ME3: variants seen among roughly 807,000 people sequenced by gnomAD.
ME3 encodes the protein malic enzyme 3, also known as NADP-dependent malic enzyme, mitochondrial.
Under a neutral mutation model 68.9 loss-of-function variants are expected in ME3, and 48 were observed. The ratio of observed to expected loss-of-function variants is 0.70; its 90% CI spans 0.55 to 0.89. The LOEUF is 0.89. Ranked by LOEUF, ME3 falls within the 40% of genes least tolerant of loss-of-function variation. The pLI is 0.00. For missense variants in ME3, 675 were observed against 797.4 expected (o/e 0.85, Z 1.85); for synonymous variants, 320 against 318.8 (o/e 1.00, Z -0.04).
chr11:86,624,064 C>T (rs976042911), intron 2 of ME3, among the ~76,000 whole-genome samples: 5 of 152,114 alleles, frequency 3.3e-5, no homozygotes, highest in African/African-American at 1.2e-4. Context: ...TTTTTGAGAC[C>T]AGGATTTTAT....
At chr11:86,539,726 A>G (rs1460534638) in intron 4 of ME3, among the ~76,000 whole-genome samples, 1 of 152,172 alleles carries the variant, frequency 6.6e-6, no homozygotes, top group Non-Finnish European at 1.5e-5. Context: ...AAGCTGCAGA[A>G]GTCCATTTTC....
intron 2 of ME3, among the ~76,000 whole-genome samples, chr11:86,599,113 C>T (rs917700008): frequency 2.5e-4 from 38 of 152,308 alleles, no homozygotes; most frequent in African/African-American, 8.7e-4. Flanking sequence ...ATGACTTTGA[C>T]GAGTTGAGAG....
intron 2 of ME3, among the ~76,000 whole-genome samples, chr11:86,628,240 G>A (rs1288217093): frequency 1.3e-5 from 2 of 152,204 alleles, no homozygotes; most frequent in Admixed American, 6.5e-5. Context: ...AGTGTGGTGT[G>A]TGGCTGCCAG....
At chr11:86,519,710 G>A (rs1246524894) in intron 4 of ME3, among the ~76,000 whole-genome samples, 1 of 152,206 alleles carries the variant, frequency 6.6e-6, no homozygotes, top group Non-Finnish European at 1.5e-5. Flanking sequence ...TATTTTTAGA[G>A]CTCAGTAGCA....
intron 7 of ME3, among the ~76,000 whole-genome samples, chr11:86,465,483 G>A (rs971849536): frequency 6.6e-6 from 1 of 152,104 alleles, no homozygotes; most frequent in Non-Finnish European, 1.5e-5. Context: ...GGCTCCCATG[G>A]CTGCCATGGC....
intron 2 of ME3, among the ~76,000 whole-genome samples, chr11:86,600,189 T>G (rs568503907): frequency 6.2e-4 from 95 of 152,156 alleles, no homozygotes; most frequent in African/African-American, 2.2e-3. Context: ...CCCATCAGTG[T>G]GCTGTATTCA....
intron 2 of ME3, among the ~76,000 whole-genome samples, chr11:86,606,512 T>G (rs1961673526): frequency 6.6e-6 from 1 of 152,200 alleles, no homozygotes; most frequent in Admixed American, 6.5e-5. Context: ...TTCAGGGCCC[T>G]TTTAGTGCTC....
intron 2 of ME3, among the ~76,000 whole-genome samples, chr11:86,671,554 T>A (rs1035101216): frequency 7.9e-5 from 12 of 152,232 alleles, no homozygotes; most frequent in African/African-American, 2.4e-4. Flanking sequence ...TTAGGCTCCC[T>A]GCATTACTGG....
chr11:86,461,689 A>T (rs986913513), intron 8 of ME3, among the ~76,000 whole-genome samples: 1 of 152,074 alleles, frequency 6.6e-6, no homozygotes, highest in African/African-American at 2.4e-5. Context: ...GCTCTGCATG[A>T]TGTGCTGACA....
At chr11:86,446,233 G>C in intron 13 of ME3, 81 bp downstream of exon 13, 1 of 1,501,170 alleles carries the variant, frequency 6.7e-7, no homozygotes, top group Non-Finnish European at 9.1e-7. Context: ...GGGCAGAAGA[G>C]ATAAGAGAGA....
intron 7 of ME3, among the ~76,000 whole-genome samples, chr11:86,471,875 T>G (rs1950800213): frequency 6.6e-6 from 1 of 152,126 alleles, no homozygotes. Flanking sequence ...TGCTAAAACC[T>G]CACAGATTTC....
chr11:86,475,373 T>G (rs915680335), intron 7 of ME3, among the ~76,000 whole-genome samples: 2 of 152,212 alleles, frequency 1.3e-5, no homozygotes, highest in African/African-American at 2.4e-5. Flanking sequence ...TCCTGAGGCC[T>G]TCTTAGAAGC....
intron 6 of ME3, among the ~76,000 whole-genome samples, chr11:86,490,598 A>G (rs370738609): frequency 4.6e-5 from 7 of 152,364 alleles, no homozygotes; most frequent in East Asian, 1.9e-4. Context: ...GTAAGAGACT[A>G]TTTAAAGTGG....
chr11:86,558,498 C>T (rs1202782414), intron 3 of ME3, among the ~76,000 whole-genome samples: 1 of 152,114 alleles, frequency 6.6e-6, no homozygotes, highest in Non-Finnish European at 1.5e-5. Flanking sequence ...TGCTCATCAC[C>T]ACTCAGAAGC....
intron 2 of ME3, among the ~76,000 whole-genome samples, chr11:86,576,178 G>T (rs1958097778): frequency 6.6e-6 from 1 of 152,188 alleles, no homozygotes; most frequent in Non-Finnish European, 1.5e-5. Flanking sequence ...TAAAAACAAA[G>T]ATGAGGACAT....
At chr11:86,573,601 T>C (rs1240940000) in intron 2 of ME3, among the ~76,000 whole-genome samples, 2 of 151,958 alleles carry the variant, frequency 1.3e-5, no homozygotes, top group African/African-American at 4.8e-5. Flanking sequence ...CTTCCTCTCT[T>C]CCTATCTGAA....
intron 4 of ME3, among the ~76,000 whole-genome samples, chr11:86,540,786 C>G (rs1955995991): frequency 6.6e-6 from 1 of 152,152 alleles, no homozygotes; most frequent in Admixed American, 6.5e-5. Context: ...TTTACTCTTC[C>G]TCTACCCCAG....
chr11:86,519,464 C>A (rs890224606), intron 4 of ME3, among the ~76,000 whole-genome samples: 1 of 152,128 alleles, frequency 6.6e-6, no homozygotes, highest in East Asian at 1.9e-4. Context: ...AAAAAAGAAC[C>A]CTGAACAACA....
At chr11:86,651,053 A>G (rs903413991) in intron 2 of ME3, among the ~76,000 whole-genome samples, 123 of 152,060 alleles carry the variant, frequency 8.1e-4, no homozygotes, top group African/African-American at 2.6e-3. Context: ...GGGGAGGGGC[A>G]CCCGCCATTG....
Sources: gnomAD v4.1 joint callset for allele counts (sites outside exome capture counted in the v4.1 genomes callset) on GRCh38, gnomAD v4.1.1 for gene constraint, MANE v1.5 for transcripts, NCBI Gene and HGNC (gene_info 2026-07-23, HGNC 2026-07-21) for gene names.